The following KPNA1 variants were observed in gnomAD, a reference collection of about 807,000 sequenced individuals.
The protein encoded by KPNA1 is karyopherin subunit alpha 1, also known as importin subunit alpha-5.
A neutral mutation model predicts 70.5 loss-of-function variants in KPNA1; 10 were observed. The observed-to-expected ratio is 0.14, with a 90% CI of 0.09 to 0.24. The LOEUF (loss-of-function observed/expected upper bound fraction) is 0.24, where lower values mean the gene tolerates loss of function less well. Ranked by LOEUF, KPNA1 falls within the 10% of genes least tolerant of loss-of-function variation. The pLI is 1.00. For missense variants in KPNA1, 397 were observed against 637.9 expected (o/e 0.62, Z 4.07); for synonymous variants, 192 against 221.9 (o/e 0.87, Z 1.20).
In KPNA1 at chr3:122,465,711, C is replaced by T. The variant is rs546748010; in HGVS notation, c.237+1611G>A. Among the ~76,000 whole-genome samples the T allele has an allele frequency of 2.0e-5, 3 of 152,330 alleles. No individual in the cohort carries two copies. The South Asian group carries it at 6.2e-4, about 32-fold the overall frequency. ...GGTCAGGAGTTCAAGACCAACCTGGCCAATATGGTGAAACCCTGTCTCTAC... is the reference window on the plus strand; with the variant it reads ...GGTCAGGAGTTCAAGACCAACCTGGTCAATATGGTGAAACCCTGTCTCTAC... On this transcript the variant is annotated intron_variant, in intron 3 of 13. Transcript: ENST00000344337.
intron 2 of KPNA1, among the ~76,000 whole-genome samples, chr3:122,469,694 G>T (rs1369318739): frequency 6.6e-6 from 1 of 151,988 alleles, no homozygotes; most frequent in Non-Finnish European, 1.5e-5. Flanking sequence ...CACCAAGCTG[G>T]ACAAAGGCCA....
chr3:122,477,730 A>T (rs901883461), intron 2 of KPNA1, among the ~76,000 whole-genome samples: 2 of 152,092 alleles, frequency 1.3e-5, no homozygotes, highest in African/African-American at 4.8e-5. Context: ...ACACAAAATG[A>T]TAGGTATATG....
intron 10 of KPNA1, among the ~76,000 whole-genome samples, chr3:122,440,752 G>A (rs971895909): frequency 6.6e-6 from 1 of 152,164 alleles, no homozygotes; most frequent in Non-Finnish European, 1.5e-5. Context: ...AATAGAGACA[G>A]AACAACAGGA....
chr3:122,505,274 CAAA>C (rs376502610), intron 1 of KPNA1, among the ~76,000 whole-genome samples: 3 of 99,540 alleles, frequency 3.0e-5, no homozygotes, highest in African/African-American at 8.1e-5. Flanking sequence ...CTGCATGCCT[CAAA>C]AAAAAAAAAA....
rs370258102 is a variant in KPNA1, at chr3:122,473,097, A to G, written c.130-5668T>C. 5.9e-5 allele frequency among the ~76,000 whole-genome samples: 9 copies of G among 152,226 alleles called. No homozygotes were observed. The East Asian group carries it at 1.4e-3, about 23-fold the overall frequency. On this transcript the variant is annotated intron_variant, in intron 2 of 13. Transcript: ENST00000344337. ...CTGTCTCAAAAAAATAAAAATAAAA[A>G]AAGAATACTATGAACAATTCTATTT... is the stretch of plus-strand genomic sequence containing the variant.
At chr3:122,479,120 C>A (rs2076541048) in intron 2 of KPNA1, among the ~76,000 whole-genome samples, 1 of 152,048 alleles carries the variant, frequency 6.6e-6, no homozygotes, top group Admixed American at 6.6e-5. Flanking sequence ...GAAGAAATAT[C>A]TGCAAAATAT....
chr3:122,435,832 T>A (rs896175636), intron 11 of KPNA1, among the ~76,000 whole-genome samples: 2 of 152,212 alleles, frequency 1.3e-5, no homozygotes, highest in African/African-American at 4.8e-5. Flanking sequence ...TGAGGATGTA[T>A]GTCGCCTCAG....
Position 122,465,652 on chromosome 3 carries a change from A to G in KPNA1, c.238-1611T>C, listed in dbSNP as rs140990862. Reference sequence around the variant, plus strand: ...TGCGGTGGCTCACGCCTGTAATCCCAACACTTTGGGAAGCCAAGGCGGGTG... The same window carrying G: ...TGCGGTGGCTCACGCCTGTAATCCCGACACTTTGGGAAGCCAAGGCGGGTG... On this transcript the variant is annotated intron_variant, in intron 3 of 13. Coordinates refer to ENST00000344337, the MANE Select transcript of KPNA1 (RefSeq NM_002264.4). 6.7e-3 allele frequency among the ~76,000 whole-genome samples: 1,017 copies of G among 152,370 alleles called. 5 individuals carry two copies. Among genetic ancestry groups the G allele is most frequent in the African/African-American group, 0.023 (974 of 41,590 alleles).
At chr3:122,507,898 T>A (rs2076909416) in intron 1 of KPNA1, among the ~76,000 whole-genome samples, 2 of 152,202 alleles carry the variant, frequency 1.3e-5, no homozygotes, top group Non-Finnish European at 2.9e-5. Flanking sequence ...GTAATATATC[T>A]GTTTTAAGAA....
intron 1 of KPNA1, among the ~76,000 whole-genome samples, chr3:122,506,980 T>C (rs985111512): frequency 2.6e-5 from 4 of 152,146 alleles, no homozygotes; most frequent in Admixed American, 2.6e-4. Flanking sequence ...ATTATTCTAG[T>C]GAAAAATTGT....
intron 1 of KPNA1, among the ~76,000 whole-genome samples, chr3:122,502,991 G>C (rs2076847102): frequency 6.6e-6 from 1 of 152,082 alleles, no homozygotes; most frequent in Non-Finnish European, 1.5e-5. Flanking sequence ...CCAGCTACTT[G>C]GGAGGCTGAG....
chr3:122,428,089 A>G (rs1044778474), intron 12 of KPNA1, among the ~76,000 whole-genome samples: 3 of 152,214 alleles, frequency 2.0e-5, no homozygotes, highest in African/African-American at 7.2e-5. Context: ...TCTTGGTGCT[A>G]AAAGCCAGCA....
rs1203972489 is a variant in KPNA1 at position 122,514,778 on chromosome 3, C to G, written c.-27G>C. 2 of 152,342 alleles carry G rather than the reference C, an allele frequency of 1.3e-5. No homozygotes were observed. Among genetic ancestry groups the G allele is most frequent in the East Asian group, 3.9e-4 (2 of 5,140 alleles). 9.4% of individuals were successfully genotyped at this position (152,342 alleles called of 1,614,324 possible). A position where few individuals can be genotyped will look rare whatever the true frequency, so the allele number is the denominator to read the frequency against. ...TCACCAGGCTCAAGGCAACCGATCC[C>G]GGTGCCACCGCTGAAGTTAGCCCCT... On this transcript the variant is annotated 5_prime_UTR_variant, in exon 1 of 14. Coordinates refer to ENST00000344337, the MANE Select transcript of KPNA1 (RefSeq NM_002264.4).
chr3:122,467,231 T>C (rs1326905066), intron 3 of KPNA1, 91 bp downstream of exon 3: 2 of 592,422 alleles, frequency 3.4e-6, no homozygotes, highest in East Asian at 6.0e-5. Flanking sequence ...CAAGTACTTT[T>C]TGTAGCCATC....
intron 3 of KPNA1, 169 bp from the exon 4 acceptor site, chr3:122,464,210 TA>T (rs2076356487): frequency 2.5e-6 from 1 of 404,456 alleles, no homozygotes; most frequent in South Asian, 1.1e-4. Context: ...ATTAATAATA[TA>T]ATGAAGCCAA....
chr3:122,483,553 C>T (rs1291499855), intron 2 of KPNA1, among the ~76,000 whole-genome samples: 2 of 152,138 alleles, frequency 1.3e-5, no homozygotes, highest in Non-Finnish European at 2.9e-5. Flanking sequence ...ACATATTGGC[C>T]AGGCTGGTCT....
Position 122,436,193 on chromosome 3 carries a change from C to T in KPNA1, c.1122+977G>A, listed in dbSNP as rs151123499. ...CTTAGCGCTCCCAGGCCTATTAGGA[C>T]GAGGAAATTCCCGCCTAGTAAATTT... On this transcript the variant is annotated intron_variant, in intron 11 of 13. Coordinates refer to ENST00000344337, the MANE Select transcript of KPNA1 (RefSeq NM_002264.4). Among the ~76,000 whole-genome samples the T allele has an allele frequency of 2.7e-3, 406 of 152,244 alleles. 9 individuals carry two copies. Among genetic ancestry groups the T allele is most frequent in the East Asian group, 0.024 (122 of 5,190 alleles).
intron 2 of KPNA1, among the ~76,000 whole-genome samples, chr3:122,493,537 T>C (rs2076724014): frequency 6.6e-6 from 1 of 152,140 alleles, no homozygotes; most frequent in Non-Finnish European, 1.5e-5. Context: ...GAATTTTTCT[T>C]AATTGAGCTG....
chr3:122,447,988 G>T (rs1426448202), intron 9 of KPNA1, among the ~76,000 whole-genome samples: 1 of 152,078 alleles, frequency 6.6e-6, no homozygotes, highest in African/African-American at 2.4e-5. Flanking sequence ...AGACTTTTAT[G>T]CAGCCAACAG....
Sources: allele counts gnomAD v4.1 joint callset (sites outside exome capture counted in the v4.1 genomes callset), GRCh38; gene constraint gnomAD v4.1.1; transcripts MANE v1.5; gene names NCBI Gene and HGNC (gene_info 2026-07-23, HGNC 2026-07-21).